The following JARID2 variants were observed in gnomAD, a reference collection of about 807,000 sequenced individuals.
The protein encoded by JARID2 is jumonji and AT-rich interaction domain containing 2, also known as protein Jumonji.
JARID2 carries 21 observed loss-of-function variants against 125.6 expected under a neutral mutation model. The observed-to-expected ratio is 0.17, with a 90% CI of 0.12 to 0.24. The LOEUF is 0.24. Ranked by LOEUF, JARID2 falls within the 10% of genes least tolerant of loss-of-function variation. The probability of loss-of-function intolerance (pLI) is 1.00; values close to 1 mark genes in which losing one functional copy is unlikely to be tolerated. For synonymous variants in JARID2, 736 were observed against 661.6 expected, an observed-to-expected ratio of 1.11 and a Z score of -1.73; for missense variants, 1,303 against 1,639.6, an observed-to-expected ratio of 0.79 and a Z score of 3.55.
At chr6:15,507,508 G>A in intron 11 of JARID2, 92 bp downstream of exon 11, 2 of 1,034,954 alleles carry the variant, frequency 1.9e-6, no homozygotes, top group Non-Finnish European at 2.9e-6. Context: ...TCTAAGCACT[G>A]CCGGGGAGGG....
intron 1 of JARID2, among the ~76,000 whole-genome samples, chr6:15,342,412 G>T (rs1763099298): frequency 6.6e-6 from 1 of 152,198 alleles, no homozygotes; most frequent in South Asian, 2.1e-4. Context: ...TGTCCAACTA[G>T]GGTGGTTGGA....
At position 15,398,745 on chromosome 6, in the gene JARID2, G is replaced by T. The variant is rs148717108; in HGVS notation, c.182-11479G>T. Among the ~76,000 whole-genome samples the T allele has an allele frequency of 3.0e-3, 460 of 152,300 alleles. 3 individuals carry two copies. The highest frequency in any genetic ancestry group is 0.011 in the African/African-American group (437 of 41,560). ...TTGACTAGAATAGGAGGAAGCAGTG[G>T]AGATAGGAAAGGGGCAGATAGTGTT... On this transcript the variant is annotated intron_variant, in intron 2 of 17. Coordinates refer to ENST00000341776, the MANE Select transcript of JARID2 (RefSeq NM_004973.4).
At chr6:15,287,082 C>T (rs1581371951) in intron 1 of JARID2, among the ~76,000 whole-genome samples, 1 of 151,684 alleles carries the variant, frequency 6.6e-6, no homozygotes, top group Non-Finnish European at 1.5e-5. Context: ...GCCCAGATGG[C>T]GTCATTGAAC....
At chr6:15,488,505 A>G (rs913356220) in intron 6 of JARID2, among the ~76,000 whole-genome samples, 5 of 152,248 alleles carry the variant, frequency 3.3e-5, no homozygotes, top group Admixed American at 6.5e-5. Context: ...CCTTAAAGGT[A>G]GCTTCAGAGG....
In JARID2 at chr6:15,379,524, T is replaced by C. The variant is rs76155851; in HGVS notation, c.181+5272T>C. Among the ~76,000 whole-genome samples the C allele has an allele frequency of 7.5e-3, 1,144 of 152,328 alleles. 15 individuals carry two copies. The highest frequency in any genetic ancestry group is 0.026 in the African/African-American group (1,085 of 41,572). ...ATTACACAGTCAGAGAGGGAAGCTA[T>C]TAACTGTATTTGAATTTCATTTGCT... On this transcript the variant is annotated intron_variant, in intron 2 of 17. Transcript: ENST00000341776.
intron 6 of JARID2, 49 bp from the exon 7 acceptor site, chr6:15,496,083 A>AG: frequency 6.7e-7 from 1 of 1,485,496 alleles, no homozygotes. Flanking sequence ...TTTTAGTGGC[A>AG]GGTACTAATT....
intron 16 of JARID2, among the ~76,000 whole-genome samples, chr6:15,513,708 C>T (rs1191310513): frequency 6.6e-6 from 1 of 152,248 alleles, no homozygotes; most frequent in African/African-American, 2.4e-5. Context: ...GCCTCCCTCT[C>T]CGCCCTACTT....
At chr6:15,325,962 C>G (rs531894242) in intron 1 of JARID2, among the ~76,000 whole-genome samples, 2 of 152,174 alleles carry the variant, frequency 1.3e-5, no homozygotes, top group South Asian at 4.2e-4. Flanking sequence ...GTGTAAAATA[C>G]AATTTTCATA....
intron 6 of JARID2, among the ~76,000 whole-genome samples, chr6:15,491,116 T>TA (rs1770129148): frequency 6.6e-6 from 1 of 152,218 alleles, no homozygotes; most frequent in African/African-American, 2.4e-5. Context: ...TTCTGGAAAA[T>TA]ACGGCTATTG....
At chr6:15,337,829 G>C (rs1762931840) in intron 1 of JARID2, among the ~76,000 whole-genome samples, 1 of 152,148 alleles carries the variant, frequency 6.6e-6, no homozygotes, top group Non-Finnish European at 1.5e-5. Flanking sequence ...GCACATTTGA[G>C]ACACTCTACA....
chr6:15,453,504 T>G (rs1278166845), intron 4 of JARID2, among the ~76,000 whole-genome samples: 1 of 152,222 alleles, frequency 6.6e-6, no homozygotes, highest in Non-Finnish European at 1.5e-5. Flanking sequence ...ACACTCGTGT[T>G]CATGCTGATC....
intron 1 of JARID2, among the ~76,000 whole-genome samples, chr6:15,360,309 C>A (rs1480918066): frequency 5.3e-5 from 8 of 151,964 alleles, no homozygotes; most frequent in Non-Finnish European, 1.2e-4. Flanking sequence ...CTCAGCCTCC[C>A]AAATAGCTGG....
chr6:15,335,873 T>C (rs1032678469), intron 1 of JARID2, among the ~76,000 whole-genome samples: 1 of 152,096 alleles, frequency 6.6e-6, no homozygotes, highest in Non-Finnish European at 1.5e-5. Context: ...GACGGATTGC[T>C]TGAACCCAGG....
At chr6:15,392,276 G>T (rs1307305857) in intron 2 of JARID2, among the ~76,000 whole-genome samples, 1 of 152,086 alleles carries the variant, frequency 6.6e-6, no homozygotes, top group East Asian at 1.9e-4. Flanking sequence ...TTAGTTTTCT[G>T]AATAAGCCTG....
chr6:15,516,164 CAGT>C (rs1335089381), intron 16 of JARID2, among the ~76,000 whole-genome samples: 1 of 152,166 alleles, frequency 6.6e-6, no homozygotes, highest in African/African-American at 2.4e-5. Context: ...TTGTTTCTGT[CAGT>C]AGGTGGCATT....
chr6:15,450,162 GT>G (rs988911652), intron 3 of JARID2, among the ~76,000 whole-genome samples: 1 of 151,758 alleles, frequency 6.6e-6, no homozygotes, highest in Non-Finnish European at 1.5e-5. Context: ...TACTTACTTA[GT>G]TTTTTTTATT....
intron 4 of JARID2, among the ~76,000 whole-genome samples, chr6:15,459,196 A>T (rs529005219): frequency 9.8e-5 from 15 of 152,338 alleles, no homozygotes; most frequent in African/African-American, 3.6e-4. Context: ...TGAGGCGATC[A>T]TCCACATATA....
chr6:15,416,205 T>C (rs1378938162), intron 3 of JARID2, among the ~76,000 whole-genome samples: 1 of 144,578 alleles, frequency 6.9e-6, no homozygotes, highest in Non-Finnish European at 1.5e-5. Context: ...CTTTCCAGAC[T>C]GGGTAGCCAG....
intron 1 of JARID2, among the ~76,000 whole-genome samples, chr6:15,280,940 A>G (rs1016928905): frequency 1.3e-5 from 2 of 152,026 alleles, no homozygotes; most frequent in African/African-American, 4.8e-5. Context: ...GCCCCTTAAC[A>G]TGTGATTTTT....
Sources: gnomAD v4.1 joint callset for allele counts (sites outside exome capture counted in the v4.1 genomes callset) on GRCh38, gnomAD v4.1.1 for gene constraint, MANE v1.5 for transcripts, NCBI Gene and HGNC (gene_info 2026-07-23, HGNC 2026-07-21) for gene names.